Variants in SLC6A12 observed in about 807,000 individuals in gnomAD.
SLC6A12 encodes the protein sodium- and chloride-dependent betaine transporter.
A neutral mutation model predicts 73.3 loss-of-function variants in SLC6A12; 50 were observed. The observed-to-expected ratio is 0.68, with a 90% CI of 0.54 to 0.86. The LOEUF is 0.86. Among genes scored for constraint, SLC6A12 ranks in the 40% least tolerant of loss-of-function variants. The pLI is 0.00. For missense variants in SLC6A12, 648 were observed against 772.8 expected (o/e 0.84, Z 1.92); for synonymous variants, 304 against 309.2 (o/e 0.98, Z 0.18).
intron 15 of SLC6A12, 108 bp from the exon 16 acceptor site, chr12:191,319 A>T: frequency 1.1e-6 from 1 of 933,802 alleles, no homozygotes. Context: ...CATGGCCAGC[A>T]CCGCACAGTA....
chr12:195,554 ATCTCGTCTGCCCAGCATCTCCC>A (rs1939822660), intron 12 of SLC6A12, among the ~76,000 whole-genome samples: 4 of 151,616 alleles, frequency 2.6e-5, no homozygotes, highest in African/African-American at 4.9e-5. Context: ...GACACACATC[ATCTCGTCTGCCCAGCATCTCCC>A]CTTCTGGAAA....
rs1940833173 is a variant in SLC6A12 at position 209,904 on chromosome 12, T to G, written c.83A>C (p.Glu28Ala). ...VPEEGEKLDQ[E>A]DEDQVKDRGQ... is the part of the protein sequence containing the mutation. ...CCGATCCTTCACCTGGTCCTCGTCTTCCTGGTCCAACTTCTCTCCCTCCTC... is the reference window on the plus strand; with the variant it reads ...CCGATCCTTCACCTGGTCCTCGTCTGCCTGGTCCAACTTCTCTCCCTCCTC... Residue 28 changes from glutamate to alanine, a missense_variant, in exon 3 of 16, where the codon GAA (glutamate) becomes GCA (alanine). By Grantham distance (107) the Glu-to-Ala change is moderately radical (BLOSUM62 -1). Transcript: ENST00000684302. 3 of 1,614,194 alleles carry G rather than the reference T, an allele frequency of 1.9e-6. No homozygotes were observed. Among genetic ancestry groups the G allele is most frequent in the Non-Finnish European group, 2.5e-6 (3 of 1,180,032 alleles).
chr12:189,802 C>G (rs1188783955), downstream of SLC6A12, among the ~76,000 whole-genome samples: 1 of 151,162 alleles, frequency 6.6e-6, no homozygotes, highest in African/African-American at 2.5e-5. Context: ...CGGGTGGAGC[C>G]ATGTGTGGCA....
Position 190,091 on chromosome 12 carries a change from TCCA to T in SLC6A12, c.*974_*976del. 6.6e-6 allele frequency: 1 copy of T among 152,242 alleles called. No individual in the cohort carries two copies. The highest frequency in any genetic ancestry group is 1.5e-5 in the Non-Finnish European group (1 of 68,114). The allele number at this position is 152,242 out of a possible 1,614,324, so 9.4% of individuals were successfully genotyped here. On this transcript the variant is annotated 3_prime_UTR_variant, in exon 16 of 16. Transcript: ENST00000684302. ...GGAGACCAGCACGCATGGAAGGCAA[TCCA>T]TACACACTTGTTAACTAAGGCAGGG...
chr12:187,383 A>G (rs7967899), downstream of SLC6A12, among the ~76,000 whole-genome samples: 69,971 of 151,264 alleles, frequency 0.46, 16,729 homozygotes, highest in African/African-American at 0.58. Flanking sequence ...TCGTGGTCTC[A>G]CCAGCTCCGG....
At chr12:187,589 C>CAAAAGAGCAAAAAAAAA (rs1939453849), downstream of SLC6A12, among the ~76,000 whole-genome samples, 1 of 106,072 alleles carries the variant, frequency 9.4e-6, no homozygotes, top group African/African-American at 5.3e-5. Flanking sequence ...TGCAAAAGAG[C>CAAAAGAGCAAAAAAAAA]AAAAAAAAAA....
chr12:203,170 G>A lies in SLC6A12; in HGVS notation c.350-290C>T, dbSNP rs183683909. ...GAACCTCCACTTCCCGGGTTCAAGC[G>A]ATCCTCCCACCTCAGCCTCCGGAGT... On this transcript the variant is annotated intron_variant, in intron 4 of 15. Transcript: ENST00000684302. 956 of 204,160 alleles carry A rather than the reference G, an allele frequency of 4.7e-3. 5 individuals are homozygous for A. Among genetic ancestry groups the A allele is most frequent in the Non-Finnish European group, 6.6e-3 (709 of 107,848 alleles). The allele number at this position is 204,160 out of a possible 1,614,324, so 12.6% of individuals were successfully genotyped here.
At chr12:185,996 C>T (rs1185440224), downstream of SLC6A12, among the ~76,000 whole-genome samples, 1 of 152,204 alleles carries the variant, frequency 6.6e-6, no homozygotes, top group African/African-American at 2.4e-5. Flanking sequence ...GGCATGCGAG[C>T]ACGGAGGTGG....
At position 190,375 on chromosome 12, in the gene SLC6A12, C is replaced by G. The variant is rs1276399764; in HGVS notation, c.*693G>C. ...GCAATATCGGCCTTGGGCAGAGGAA[C>G]GGACAGTGCAGGGAGGCATGCCGAG... On this transcript the variant is annotated 3_prime_UTR_variant, in exon 16 of 16. Transcript: ENST00000684302. 2 of 152,220 alleles carry G rather than the reference C, an allele frequency of 1.3e-5. No homozygotes were observed. Among genetic ancestry groups the G allele is most frequent in the African/African-American group, 2.4e-5 (1 of 41,418 alleles). 9.4% of individuals were successfully genotyped at this position (152,220 alleles called of 1,614,324 possible).
chr12:209,858 C>CA lies in SLC6A12; in HGVS notation c.128dup (p.Met43IlefsTer109), dbSNP rs1449595032. The CA allele has an allele frequency of 6.2e-7, 1 of 1,614,210 alleles. No individual in the cohort carries two copies. The highest frequency in any genetic ancestry group is 1.3e-5 in the African/African-American group (1 of 75,062). ...CCCCGGCCACTGACAGCACAAACTC[C>CA]ATCTTGTTGGTCCATTGGCCCCGAT... is the stretch of plus-strand genomic sequence containing the variant. On this transcript the variant is annotated frameshift_variant, in exon 3 of 16. Coordinates refer to ENST00000684302, the MANE Select transcript of SLC6A12 (RefSeq NM_001122848.3). LOFTEE classifies it high-confidence loss of function.
At chr12:209,710 T>A in intron 3 of SLC6A12, 63 bp downstream of exon 3, 1 of 1,573,554 alleles carries the variant, frequency 6.4e-7, no homozygotes, top group South Asian at 1.1e-5. Context: ...AGGGCCCAGG[T>A]AGGCACTGCC....
chr12:196,725 C>G, intron 11 of SLC6A12, 45 bp downstream of exon 11: 1 of 1,394,642 alleles, frequency 7.2e-7, no homozygotes, highest in South Asian at 1.2e-5. Context: ...CAAAGGCTTG[C>G]AAGAGGGTCA....
At chr12:199,103 C>A in intron 7 of SLC6A12, 172 bp from the exon 8 acceptor site, 1 of 356,158 alleles carries the variant, frequency 2.8e-6, no homozygotes. Flanking sequence ...TCCAGTGGGT[C>A]TGTGCTCCCC....
At chr12:200,483 GCTCC>G (rs1940195569) in intron 7 of SLC6A12, among the ~76,000 whole-genome samples, 164 bp downstream of exon 7, 2 of 152,182 alleles carry the variant, frequency 1.3e-5, no homozygotes, top group Non-Finnish European at 2.9e-5. Context: ...ATCGAGCTAA[GCTCC>G]GCCTTCCTGT....
At chr12:193,416 G>T (rs772013395) in intron 13 of SLC6A12, 39 bp from the exon 14 acceptor site, 2 of 1,475,042 alleles carry the variant, frequency 1.4e-6, no homozygotes, top group South Asian at 1.1e-5. Flanking sequence ...AGAGCCAGAG[G>T]GTGAGAACAG....
chr12:195,357 G>A (rs1426845894), intron 12 of SLC6A12, 30 bp from the exon 13 acceptor site: 4 of 1,412,776 alleles, frequency 2.8e-6, no homozygotes, highest in African/African-American at 1.4e-5. Context: ...CTGGGGCATG[G>A]CCAGTGCAGA....
At chr12:196,636 A>C in intron 11 of SLC6A12, 134 bp downstream of exon 11, 1 of 697,526 alleles carries the variant, frequency 1.4e-6, no homozygotes, top group Non-Finnish European at 2.5e-6. Flanking sequence ...AACCCCAAGG[A>C]AAAGCCCTGG....
chr12:202,759 G>A lies in SLC6A12; in HGVS notation c.471C>T (p.Cys157=). ...GGATACCTGTGTTCCAAAAGTTGTT[G>A]CAGGTCGTCCAGGGCAGCTCAGAAG... ...SFTSELPWTT[C]NNFWNTEHCT... Residue 157 remains cysteine (C), a synonymous_variant, in exon 5 of 16, where the codon TGC becomes TGT. Coordinates refer to ENST00000684302, the MANE Select transcript of SLC6A12 (RefSeq NM_001122848.3). 3 of 1,613,656 alleles carry A rather than the reference G, an allele frequency of 1.9e-6. No individual in the cohort carries two copies.
At chr12:199,636 G>C (rs932504799) in intron 7 of SLC6A12, 3 of 152,216 alleles carry the variant, frequency 2.0e-5, no homozygotes, top group Non-Finnish European at 4.4e-5. Flanking sequence ...TTACAATTCA[G>C]GGAGGGGAAA....
Sources: gnomAD v4.1 joint callset for allele counts (sites outside exome capture counted in the v4.1 genomes callset) on GRCh38, gnomAD v4.1.1 for gene constraint, MANE v1.5 for transcripts, NCBI Gene and HGNC (gene_info 2026-07-23, HGNC 2026-07-21) for gene names.